ZNF804A: variants seen among roughly 807,000 people sequenced by gnomAD.
ZNF804A encodes zinc finger protein 804A.
In ZNF804A, 2 loss-of-function variants were observed where a neutral mutation model predicts 16.5. The ratio of observed to expected loss-of-function variants is 0.12; its 90% CI spans 0.05 to 0.38. The LOEUF is 0.38. Among genes scored for constraint, ZNF804A ranks in the 10% least tolerant of loss-of-function variants. ZNF804A has a pLI of 0.99. For synonymous variants in ZNF804A, 534 were observed against 489.6 expected (o/e 1.09, Z -1.20); for missense variants, 1,473 against 1,390.7 (o/e 1.06, Z -0.94).
intron 1 of ZNF804A, among the ~76,000 whole-genome samples, chr2:184,732,985 G>C (rs1001244111): frequency 6.6e-6 from 1 of 152,144 alleles, no homozygotes; most frequent in African/African-American, 2.4e-5. Flanking sequence ...AACAAAGACA[G>C]TGTTACATCT....
chr2:184,760,669 TAC>T (rs146812053), intron 1 of ZNF804A, among the ~76,000 whole-genome samples: 7,879 of 152,252 alleles, frequency 0.052, 261 homozygotes, highest in Middle Eastern at 0.078. Flanking sequence ...AGAAGGAGAC[TAC>T]AGACACCCCA....
rs117705240 is a variant in ZNF804A at position 184,808,801 on chromosome 2, T to G, written c.112-57568T>G. On this transcript the variant is annotated intron_variant, in intron 1 of 3. Coordinates refer to ENST00000302277, the MANE Select transcript of ZNF804A (RefSeq NM_194250.2). Reference sequence around the variant, plus strand: ...CACAACAAAACAACGACTTTTAATGTTTAAAAATTAACTATTTTTAGTATT... The same window carrying G: ...CACAACAAAACAACGACTTTTAATGGTTAAAAATTAACTATTTTTAGTATT... Among the ~76,000 whole-genome samples the G allele has an allele frequency of 1.4e-3, 213 of 151,892 alleles. 2 individuals carry two copies. In the East Asian group the frequency reaches 0.03, roughly 21 times the overall value.
At chr2:184,676,194 A>C (rs1254868773) in intron 1 of ZNF804A, among the ~76,000 whole-genome samples, 1 of 151,738 alleles carries the variant, frequency 6.6e-6, no homozygotes, top group East Asian at 1.9e-4. Flanking sequence ...TTTTAATGAA[A>C]ATATACTGAG....
At chr2:184,614,280 A>C (rs1056320857) in intron 1 of ZNF804A, among the ~76,000 whole-genome samples, 2 of 152,232 alleles carry the variant, frequency 1.3e-5, no homozygotes, top group African/African-American at 4.8e-5. Flanking sequence ...TACAAAAATT[A>C]ACTCAATATA....
chr2:184,631,184 T>C (rs1276452447), intron 1 of ZNF804A, among the ~76,000 whole-genome samples: 1 of 152,134 alleles, frequency 6.6e-6, no homozygotes, highest in African/African-American at 2.4e-5. Flanking sequence ...CTAGGTTTCT[T>C]TGAATTAAGT....
intron 2 of ZNF804A, among the ~76,000 whole-genome samples, chr2:184,871,510 A>G (rs1695976002): frequency 6.6e-6 from 1 of 150,580 alleles, no homozygotes; most frequent in Non-Finnish European, 1.5e-5. Flanking sequence ...AAAAATAAAC[A>G]TATATATATA....
Position 184,823,078 on chromosome 2 carries a change from G to C in ZNF804A, c.112-43291G>C, listed in dbSNP as rs1386153339. ...AAATGATAGAAATGTATTTCACACA[G>C]TATTGGAGGCTAGGAAGTCCAAGAT... On this transcript the variant is annotated intron_variant, in intron 1 of 3. Coordinates refer to ENST00000302277, the MANE Select transcript of ZNF804A (RefSeq NM_194250.2). 5.3e-5 allele frequency among the ~76,000 whole-genome samples: 8 copies of C among 152,070 alleles called. No individual in the cohort carries two copies. In the East Asian group the frequency reaches 1.5e-3, roughly 29 times the overall value.
intron 1 of ZNF804A, among the ~76,000 whole-genome samples, chr2:184,850,068 G>A (rs1404654858): frequency 6.6e-6 from 1 of 151,922 alleles, no homozygotes; most frequent in African/African-American, 2.4e-5. Context: ...CAGCAGCAGG[G>A]AAGGGTAGTA....
At chr2:184,860,539 G>T (rs898351725) in intron 1 of ZNF804A, among the ~76,000 whole-genome samples, 6 of 152,196 alleles carry the variant, frequency 3.9e-5, no homozygotes, top group African/African-American at 1.4e-4. Flanking sequence ...CCCAGCACAT[G>T]GGTCCACTAG....
At chr2:184,929,065 C>A (rs182942197) in intron 2 of ZNF804A, among the ~76,000 whole-genome samples, 130 of 152,192 alleles carry the variant, frequency 8.5e-4, no homozygotes, top group African/African-American at 2.5e-3. Context: ...AATTGTTATC[C>A]TTGTGGGCGG....
At chr2:184,837,315 G>A (rs1242855257) in intron 1 of ZNF804A, among the ~76,000 whole-genome samples, 1 of 151,972 alleles carries the variant, frequency 6.6e-6, no homozygotes, top group Non-Finnish European at 1.5e-5. Context: ...CCTCTCTTCA[G>A]GCTAATTTAG....
chr2:184,670,309 C>A (rs892213678), intron 1 of ZNF804A, among the ~76,000 whole-genome samples: 1 of 151,682 alleles, frequency 6.6e-6, no homozygotes, highest in African/African-American at 2.4e-5. Context: ...ATCAGAGTAC[C>A]CCAGTTATTA....
intron 2 of ZNF804A, 22 bp downstream of exon 2, chr2:184,866,534 A>T: frequency 3.8e-6 from 6 of 1,589,398 alleles, no homozygotes; most frequent in Admixed American, 1.8e-5. Context: ...ATGTGAAAAA[A>T]TTCTGGCATT....
chr2:184,678,087 T>G (rs1336523747), intron 1 of ZNF804A, among the ~76,000 whole-genome samples: 3 of 152,098 alleles, frequency 2.0e-5, no homozygotes, highest in African/African-American at 7.2e-5. Flanking sequence ...GTGAATTAAT[T>G]TAACCACAGA....
chr2:184,647,316 A>G (rs1199728893), intron 1 of ZNF804A, among the ~76,000 whole-genome samples: 3 of 152,250 alleles, frequency 2.0e-5, no homozygotes, highest in Non-Finnish European at 2.9e-5. Context: ...AACCAGTGCA[A>G]GAATTCTGGC....
chr2:184,633,897 G>T (rs1691653741), intron 1 of ZNF804A, among the ~76,000 whole-genome samples: 1 of 152,044 alleles, frequency 6.6e-6, no homozygotes, highest in African/African-American at 2.4e-5. Flanking sequence ...GTAAAAATCT[G>T]CAAAAGTGAG....
intron 1 of ZNF804A, among the ~76,000 whole-genome samples, chr2:184,691,755 T>C (rs1692733952): frequency 6.6e-6 from 1 of 151,748 alleles, no homozygotes; most frequent in South Asian, 2.1e-4. Flanking sequence ...CTAGTACGAA[T>C]TCGTTGTTTT....
intron 1 of ZNF804A, among the ~76,000 whole-genome samples, chr2:184,844,058 A>G (rs1695477533): frequency 1.3e-5 from 2 of 151,932 alleles, no homozygotes; most frequent in South Asian, 4.1e-4. Context: ...AATACTCTTT[A>G]GTGGTTGATT....
intron 1 of ZNF804A, among the ~76,000 whole-genome samples, chr2:184,621,579 C>T (rs1238164106): frequency 6.6e-6 from 1 of 151,614 alleles, no homozygotes; most frequent in Non-Finnish European, 1.5e-5. Context: ...TTGATTGCCT[C>T]TATGTAGCTG....
Sources: gnomAD v4.1 joint callset for allele counts (sites outside exome capture counted in the v4.1 genomes callset) on GRCh38, gnomAD v4.1.1 for gene constraint, MANE v1.5 for transcripts, NCBI Gene and HGNC (gene_info 2026-07-23, HGNC 2026-07-21) for gene names.